The following ABCA3 variants were observed in gnomAD, a reference collection of about 807,000 sequenced individuals.
ABCA3 encodes the protein phospholipid-transporting ATPase ABCA3.
ABCA3 carries 88 observed loss-of-function variants against 172.8 expected under a neutral mutation model. The ratio of observed to expected loss-of-function variants is 0.51; its 90% CI spans 0.43 to 0.61. ABCA3 has a LOEUF of 0.61. ABCA3 is among the 20% of genes least tolerant of loss of function. The pLI is 0.00. For synonymous variants in ABCA3, 1,066 were observed against 983.8 expected (o/e 1.08, Z -1.56); for missense variants, 2,164 against 2,301.0 (o/e 0.94, Z 1.22).
chr16:2,318,280 C>T (rs778738757), intron 8 of ABCA3, among the ~76,000 whole-genome samples: 19 of 152,102 alleles, frequency 1.2e-4, no homozygotes, highest in African/African-American at 3.6e-4. Flanking sequence ...AAGGACGAGG[C>T]GCAGTGATGG....
intron 15 of ABCA3, 98 bp downstream of exon 15, chr16:2,298,288 C>A: frequency 5.1e-6 from 8 of 1,566,242 alleles, no homozygotes; most frequent in Non-Finnish European, 6.1e-6. Context: ...TCCTGCCCTC[C>A]TGGCTCCCTT....
intron 12 of ABCA3, among the ~76,000 whole-genome samples, chr16:2,300,578 A>G (rs984347584): frequency 9.2e-5 from 14 of 152,198 alleles, no homozygotes; most frequent in African/African-American, 3.4e-4. Flanking sequence ...AAGCAAGAGA[A>G]GCCGAAGGCG....
At chr16:2,291,713 G>T (rs559253408) in intron 19 of ABCA3, among the ~76,000 whole-genome samples, 1 of 152,204 alleles carries the variant, frequency 6.6e-6, no homozygotes, top group South Asian at 2.1e-4. Flanking sequence ...CCCACCCCAG[G>T]CTGTTCCTCC....
rs75483238 is a variant in ABCA3, at chr16:2,332,727, C to T, written c.-538-2873G>A. Reference sequence around the variant, plus strand: ...TCTTCTTGTGTCCAAAGACCCGCACCGATTGCCTCCTCCATTTCTTTATTT... The same window carrying T: ...TCTTCTTGTGTCCAAAGACCCGCACTGATTGCCTCCTCCATTTCTTTATTT... On this transcript the variant is annotated intron_variant, in intron 1 of 32. Transcript: ENST00000301732. 1,547 of 1,207,618 alleles carry T rather than the reference C, an allele frequency of 1.3e-3. 5 individuals are homozygous for T. The African/African-American group carries it at 0.015, about 12-fold the overall frequency. 74.8% of individuals were successfully genotyped at this position (1,207,618 alleles called of 1,614,324 possible). A position where few individuals can be genotyped will look rare whatever the true frequency, so the allele number is the denominator to read the frequency against.
chr16:2,297,813 T>C lies in ABCA3; in HGVS notation c.2005A>G (p.Met669Val), dbSNP rs2093682376. The change falls in exon 16 of 33, where the codon ATG becomes GTG. Residue 669 changes from methionine (M) to valine (V), a missense_variant. Around this residue, in one of 3 missense-constraint regions of ABCA3, gnomAD observed 1,343 missense variants for 1,369.6 expected, o/e 0.98. Transcript: ENST00000301732. This position sits in a 1 kb window ranked among gnomAD's most constrained non-coding sequence, Gnocchi z 5.6. ...ATGCCGATGGAGAGCTTGCGCCTCA[T>C]GCCCCCGCTCAGGAAGCGGCTCCGT... Reference protein sequence around the residue: ...NSRSRFLSGGMRRKLSIGIAL... With the variant: ...NSRSRFLSGGVRRKLSIGIAL... 9.3e-6 allele frequency: 15 copies of C among 1,613,508 alleles called. No individual in the cohort carries two copies. Among genetic ancestry groups the C allele is most frequent in the African/African-American group, 1.3e-5 (1 of 74,938 alleles).
At position 2,285,890 on chromosome 16, in the gene ABCA3, G is replaced by A. The variant is rs985656907; in HGVS notation, c.3279-244C>T. 1.3e-5 allele frequency among the ~76,000 whole-genome samples: 2 copies of A among 152,096 alleles called. No individual in the cohort carries two copies. Among genetic ancestry groups the A allele is most frequent in the South Asian group, 2.1e-4 (1 of 4,820 alleles). On this transcript the variant is annotated intron_variant, in intron 22 of 32. Transcript: ENST00000301732. The surrounding 1 kb of genome is among the most constrained non-coding windows in gnomAD (Gnocchi z 4.7). ...CAGCGTCACTCTCCCTCATCACCCCGCTCCCAGCCCTCAGCCCCACGGCTG... is the reference window on the plus strand; with the variant it reads ...CAGCGTCACTCTCCCTCATCACCCCACTCCCAGCCCTCAGCCCCACGGCTG...
chr16:2,330,074 T>A (rs555051787), intron 1 of ABCA3, among the ~76,000 whole-genome samples: 21 of 151,942 alleles, frequency 1.4e-4, no homozygotes, highest in African/African-American at 4.8e-4. Flanking sequence ...GCTGGGCGGA[T>A]CACCTGAGGT....
In ABCA3 at chr16:2,324,533, T is replaced by A; in HGVS notation, c.320-2A>T. 1 of 1,609,050 alleles carries A rather than the reference T, an allele frequency of 6.2e-7. No homozygotes were observed. The stretch of plus-strand genomic sequence containing the variant: ...CCTTCTCGGAGGGAAAGCCGCGCAC[T>A]GCAAAGAGAGAGCACGGGAGCTGTG... On this transcript the variant is annotated splice_acceptor_variant, in intron 5 of 32. Coordinates refer to ENST00000301732, the MANE Select transcript of ABCA3 (RefSeq NM_001089.3). LOFTEE classifies it high-confidence loss of function.
intron 7 of ABCA3, among the ~76,000 whole-genome samples, chr16:2,323,150 A>G (rs2093728673): frequency 6.6e-6 from 1 of 152,230 alleles, no homozygotes; most frequent in Admixed American, 6.5e-5. Flanking sequence ...AAAAGTCAGG[A>G]AACAACAGGT....
At chr16:2,293,647 C>T (rs548746107) in intron 18 of ABCA3, among the ~76,000 whole-genome samples, 118 of 151,740 alleles carry the variant, frequency 7.8e-4, no homozygotes, top group African/African-American at 2.4e-3. Flanking sequence ...ATGCCATTCT[C>T]TTGCCTCAGC....
chr16:2,283,576 G>A lies in ABCA3; in HGVS notation c.3863-218C>T, dbSNP rs1596831529. The A allele has an allele frequency of 8.9e-6, 5 of 561,482 alleles. No homozygotes were observed. The highest frequency in any genetic ancestry group is 3.1e-5 in the East Asian group (1 of 31,930). 34.8% of individuals were successfully genotyped at this position (561,482 alleles called of 1,614,324 possible). On this transcript the variant is annotated intron_variant, in intron 25 of 32. Coordinates refer to ENST00000301732, the MANE Select transcript of ABCA3 (RefSeq NM_001089.3). The surrounding 1 kb of genome is among the most constrained non-coding windows in gnomAD (Gnocchi z 5.4). ...AACAATCCAATGCAGTCCCATGAGC[G>A]ACATGGCAGACCCAGGGCAGCAACA...
At position 2,275,958 on chromosome 16, in the gene ABCA3, G is replaced by A; in HGVS notation, c.*716C>T. 4.7e-6 allele frequency: 1 copy of A among 214,646 alleles called. No individual in the cohort carries two copies. Among genetic ancestry groups the A allele is most frequent in the Non-Finnish European group, 9.5e-6 (1 of 105,052 alleles). 13.3% of individuals were successfully genotyped at this position (214,646 alleles called of 1,614,324 possible). A position where few individuals can be genotyped will look rare whatever the true frequency, so the allele number is the denominator to read the frequency against. On this transcript the variant is annotated 3_prime_UTR_variant, in exon 33 of 33. Transcript: ENST00000301732. ...CTTGAGACAGCCACCCAGCCCTTAG[G>A]GTGGTCCCTGCGTGTCCTGGGGCGG...
In ABCA3 at chr16:2,308,561, CGAA is replaced by C; in HGVS notation, c.1171_1173del (p.Phe391del). The stretch of plus-strand genomic sequence containing the variant: ...GTCATCCAGTTGTACCGAGGGGCCA[CGAA>C]GAAGTAGGGGATGTAGGTGAAGAAG... On this transcript the variant is annotated inframe_deletion, in exon 11 of 33. Coordinates refer to ENST00000301732, the MANE Select transcript of ABCA3 (RefSeq NM_001089.3). 1 of 1,614,156 alleles carries C rather than the reference CGAA, an allele frequency of 6.2e-7. No individual in the cohort carries two copies. Among genetic ancestry groups the C allele is most frequent in the Non-Finnish European group, 8.5e-7 (1 of 1,180,030 alleles).
intron 19 of ABCA3, among the ~76,000 whole-genome samples, chr16:2,290,612 T>C (rs1240449552): frequency 6.6e-6 from 1 of 152,234 alleles, no homozygotes; most frequent in Admixed American, 6.5e-5. Context: ...GTTATGTTCA[T>C]GCTTCCTTCC....
chr16:2,318,622 C>A (rs969967116), intron 8 of ABCA3, among the ~76,000 whole-genome samples: 2 of 151,756 alleles, frequency 1.3e-5, no homozygotes, highest in South Asian at 4.1e-4. Context: ...AAGAAATTCT[C>A]GTGCCTCAGC....
At position 2,277,105 on chromosome 16, in the gene ABCA3, A is replaced by C. The variant is rs1017750022; in HGVS notation, c.4984-300T>G. Among the ~76,000 whole-genome samples, 1 of 151,960 alleles carries C rather than the reference A, an allele frequency of 6.6e-6. No individual in the cohort carries two copies. Among genetic ancestry groups the C allele is most frequent in the Non-Finnish European group, 1.5e-5 (1 of 67,984 alleles). ...TCTGAGCCAGTTCTTTTTTTCCCCC[A>C]TATTTTTTTAGAGAGAGTCTTGCTC... On this transcript the variant is annotated intron_variant, in intron 32 of 32. Coordinates refer to ENST00000301732, the MANE Select transcript of ABCA3 (RefSeq NM_001089.3). This position sits in a 1 kb window ranked among gnomAD's most constrained non-coding sequence, Gnocchi z 5.3.
chr16:2,305,286 A>G (rs1186334864), intron 11 of ABCA3, among the ~76,000 whole-genome samples: 1 of 151,816 alleles, frequency 6.6e-6, no homozygotes, highest in Non-Finnish European at 1.5e-5. Flanking sequence ...GGAGCACGTC[A>G]CCACACCTGG....
rs542008692 is a variant in ABCA3 at position 2,304,293 on chromosome 16, T to A, written c.1286-143A>T. 1.4e-3 allele frequency: 1,159 copies of A among 856,004 alleles called. 1 individual carries two copies. Among genetic ancestry groups the A allele is most frequent in the Non-Finnish European group, 1.9e-3 (978 of 511,008 alleles). The allele number at this position is 856,004 out of a possible 1,614,324, so 53.0% of individuals were successfully genotyped here. A position where few individuals can be genotyped will look rare whatever the true frequency, so the allele number is the denominator to read the frequency against. ...CATGCCTTTTCCCTTCCCGGTTTTA[T>A]AACAAGTTGGACAGCTTTCTTCAAG... On this transcript the variant is annotated intron_variant, in intron 11 of 32. Coordinates refer to ENST00000301732, the MANE Select transcript of ABCA3 (RefSeq NM_001089.3).
Position 2,279,024 on chromosome 16 carries a change from C to A in ABCA3, c.4466G>T (p.Arg1489Leu). The A allele has an allele frequency of 1.2e-6, 2 of 1,613,524 alleles. No individual in the cohort carries two copies. Among genetic ancestry groups the A allele is most frequent in the African/African-American group, 1.3e-5 (1 of 75,066 alleles). ...MYARLRGIPE[R>L]HIGACVENTL... ...GTTCTCCACGCAGGCCCCGATGTGG[C>A]GCTCAGGGATGCCCCGGAGCCGAGC... Residue 1489 changes from arginine (R) to leucine (L), a missense_variant, in exon 29 of 33, where the codon CGC (arginine) becomes CTC (leucine). This residue lies in a region of ABCA3 where 795 missense variants were observed against 881.9 expected (regional missense o/e 0.90). Coordinates refer to ENST00000301732, the MANE Select transcript of ABCA3 (RefSeq NM_001089.3). The surrounding 1 kb of genome is among the most constrained non-coding windows in gnomAD (Gnocchi z 4.4).
Sources: gnomAD v4.1 joint callset for allele counts (sites outside exome capture counted in the v4.1 genomes callset) on GRCh38, gnomAD v4.1.1 for gene constraint, gnomAD v4.1.1 regional missense constraint, Gnocchi (gnomAD v3.1) non-coding constraint, MANE v1.5 for transcripts, NCBI Gene and HGNC (gene_info 2026-07-23, HGNC 2026-07-21) for gene names.